Variants in SHISA6 observed in about 807,000 individuals in gnomAD.
SHISA6 encodes the protein protein shisa-6.
In SHISA6, 22 loss-of-function variants were observed where a neutral mutation model predicts 47.9. The ratio of observed to expected loss-of-function variants is 0.46; its 90% confidence interval spans 0.33 to 0.66. SHISA6 has a LOEUF of 0.66. Ranked by LOEUF, SHISA6 falls within the 30% of genes least tolerant of loss-of-function variation. The probability of loss-of-function intolerance (pLI) is 0.02; values close to 1 mark genes in which losing one functional copy is unlikely to be tolerated. For synonymous variants in SHISA6, 388 were observed against 337.8 expected, an observed-to-expected ratio of 1.15 and a Z score of -1.63; for missense variants, 680 against 764.6, an observed-to-expected ratio of 0.89 and a Z score of 1.30.
intron 3 of SHISA6, among the ~76,000 whole-genome samples, chr17:11,506,976 T>A (rs749319253): frequency 1.3e-5 from 2 of 152,126 alleles, no homozygotes; most frequent in Non-Finnish European, 1.5e-5. Flanking sequence ...AGAGATGATC[T>A]TAGAGTCTAG....
intron 2 of SHISA6, among the ~76,000 whole-genome samples, chr17:11,349,050 C>T (rs939452430): frequency 1.3e-5 from 2 of 152,160 alleles, no homozygotes; most frequent in Non-Finnish European, 2.9e-5. Context: ...ACAAAATAAG[C>T]TAAAGGTTGT....
intron 3 of SHISA6, among the ~76,000 whole-genome samples, chr17:11,429,341 T>C (rs2142288267): frequency 6.6e-6 from 1 of 152,290 alleles, no homozygotes; most frequent in Middle Eastern, 3.4e-3. Context: ...ATCCCATCAC[T>C]TTTGCAAGTC....
At position 11,273,641 on chromosome 17, in the gene SHISA6, T is replaced by C. The variant is rs181330958; in HGVS notation, c.799+10115T>C. On this transcript the variant is annotated intron_variant, in intron 2 of 5. Coordinates refer to ENST00000441885, the MANE Select transcript of SHISA6 (RefSeq NM_207386.4). The stretch of plus-strand genomic sequence containing the variant: ...AGGGCTGACTGTCCACGCCCTGGGC[T>C]AGGAGCCTTCATTATCATAGTCCTC... Among the ~76,000 whole-genome samples the C allele has an allele frequency of 2.6e-5, 4 of 152,364 alleles. No homozygotes were observed. In the East Asian group the frequency reaches 7.7e-4, roughly 29 times the overall value.
chr17:11,434,688 GT>G (rs1914888383), intron 3 of SHISA6, among the ~76,000 whole-genome samples: 1 of 152,100 alleles, frequency 6.6e-6, no homozygotes, highest in Non-Finnish European at 1.5e-5. Context: ...AGTTTTATGT[GT>G]TATTTAACTG....
chr17:11,320,131 G>C (rs893542388), intron 2 of SHISA6, among the ~76,000 whole-genome samples: 1 of 152,228 alleles, frequency 6.6e-6, no homozygotes, highest in African/African-American at 2.4e-5. Flanking sequence ...TGTTGGAGCA[G>C]AAGTCTTCTA....
chr17:11,392,167 C>T (rs1191811803), intron 3 of SHISA6, among the ~76,000 whole-genome samples: 1 of 150,000 alleles, frequency 6.7e-6, no homozygotes, highest in Non-Finnish European at 1.5e-5. Flanking sequence ...CCCAGTGAAT[C>T]TTTTTTTTTT....
intron 3 of SHISA6, among the ~76,000 whole-genome samples, chr17:11,401,368 G>T (rs7218691): frequency 0.054 from 8,285 of 152,144 alleles, 223 homozygotes; most frequent in South Asian, 0.095. Context: ...GCTAACTTTT[G>T]TATTTTGTTT....
chr17:11,416,862 C>A lies in SHISA6; in HGVS notation c.895+37353C>A, dbSNP rs185233037. Among the ~76,000 whole-genome samples the A allele has an allele frequency of 8.9e-4, 136 of 152,164 alleles. 1 individual carries two copies. Among genetic ancestry groups the A allele is most frequent in the African/African-American group, 3.2e-3 (131 of 41,498 alleles). Reference sequence around the variant, plus strand: ...AGTCATTTTTATGTCTGACTTAACCCTTTCACAACCCTTTAAGGTAAGTAT... The same window carrying A: ...AGTCATTTTTATGTCTGACTTAACCATTTCACAACCCTTTAAGGTAAGTAT... On this transcript the variant is annotated intron_variant, in intron 3 of 5. Transcript: ENST00000441885.
rs374977046 is a variant in SHISA6, at chr17:11,294,068, T to A, written c.799+30542T>A. On this transcript the variant is annotated intron_variant, in intron 2 of 5. Transcript: ENST00000441885. ...GCCCGGCTAATTTTTGTATTTTTAG[T>A]ACAGACAGAGTTTCACCATGTTGAC... Among the ~76,000 whole-genome samples the A allele has an allele frequency of 2.6e-5, 4 of 151,760 alleles. No homozygotes were observed. The East Asian group carries it at 7.8e-4, about 29-fold the overall frequency.
intron 3 of SHISA6, among the ~76,000 whole-genome samples, chr17:11,396,854 C>A (rs981111055): frequency 4.6e-5 from 7 of 152,138 alleles, no homozygotes; most frequent in African/African-American, 1.7e-4. Context: ...CACGTGGATA[C>A]CTATGTAACA....
intron 3 of SHISA6, among the ~76,000 whole-genome samples, chr17:11,419,751 T>G (rs1284623301): frequency 3.3e-5 from 5 of 152,228 alleles, no homozygotes; most frequent in Admixed American, 3.3e-4. Context: ...GACAATGAAC[T>G]AGGATTGGGA....
intron 2 of SHISA6, among the ~76,000 whole-genome samples, chr17:11,285,466 G>A (rs1909263337): frequency 6.6e-6 from 1 of 152,202 alleles, no homozygotes; most frequent in Admixed American, 6.5e-5. Flanking sequence ...TTAAAAAGGG[G>A]AGAAGGGGTG....
chr17:11,262,544 A>G (rs943047108), intron 1 of SHISA6, among the ~76,000 whole-genome samples: 6 of 152,194 alleles, frequency 3.9e-5, no homozygotes, highest in African/African-American at 1.4e-4. Flanking sequence ...GAACCCCTAG[A>G]TGGCAGGAAT....
chr17:11,331,328 C>A (rs1436189846), intron 2 of SHISA6, among the ~76,000 whole-genome samples: 1 of 152,166 alleles, frequency 6.6e-6, no homozygotes, highest in Non-Finnish European at 1.5e-5. Context: ...TTCTCACCTG[C>A]TTCCTCTCAG....
intron 3 of SHISA6, among the ~76,000 whole-genome samples, chr17:11,515,937 C>T (rs1397597849): frequency 2.0e-5 from 3 of 152,170 alleles, no homozygotes; most frequent in Non-Finnish European, 4.4e-5. Context: ...CCCTCGCCCA[C>T]AGTTCTCTGC....
At chr17:11,336,395 A>G (rs1460227961) in intron 2 of SHISA6, among the ~76,000 whole-genome samples, 1 of 151,926 alleles carries the variant, frequency 6.6e-6, no homozygotes, top group Non-Finnish European at 1.5e-5. Context: ...ATGGGGGCAG[A>G]GAGAGAAGAG....
chr17:11,532,648 A>G (rs1255282792), intron 3 of SHISA6, among the ~76,000 whole-genome samples: 2 of 150,588 alleles, frequency 1.3e-5, no homozygotes, highest in Admixed American at 6.6e-5. Flanking sequence ...GGATTTTGCT[A>G]TAGTCTTGGA....
chr17:11,445,296 C>T (rs1252902515), intron 3 of SHISA6, among the ~76,000 whole-genome samples: 2 of 152,072 alleles, frequency 1.3e-5, no homozygotes, highest in African/African-American at 4.8e-5. Context: ...AATACCATCA[C>T]CTTGAGGTTT....
intron 3 of SHISA6, among the ~76,000 whole-genome samples, chr17:11,498,620 C>T (rs995503779): frequency 1.3e-5 from 2 of 152,100 alleles, no homozygotes; most frequent in African/African-American, 4.8e-5. Context: ...CCAAATACCA[C>T]ATGTAACCCT....
Sources: gnomAD v4.1 joint callset for allele counts (sites outside exome capture counted in the v4.1 genomes callset) on GRCh38, gnomAD v4.1.1 for gene constraint, MANE v1.5 for transcripts, NCBI Gene and HGNC (gene_info 2026-07-23, HGNC 2026-07-21) for gene names.